MBNL2: variants seen among roughly 807,000 people sequenced by gnomAD.
MBNL2 encodes muscleblind like splicing regulator 2.
In MBNL2, 17 loss-of-function variants were observed where a neutral mutation model predicts 41.9. The observed-to-expected ratio is 0.41, with a 90% CI of 0.28 to 0.61. The LOEUF is 0.61. Among genes scored for constraint, MBNL2 ranks in the 20% least tolerant of loss-of-function variants. The pLI is 0.35. For synonymous variants in MBNL2, 195 were observed against 182.9 expected (o/e 1.07, Z -0.53); for missense variants, 336 against 505.6 (o/e 0.66, Z 3.22).
At chr13:97,332,876 CG>C (rs1238256273) in intron 2 of MBNL2, among the ~76,000 whole-genome samples, 2 of 152,180 alleles carry the variant, frequency 1.3e-5, no homozygotes, top group Admixed American at 1.3e-4. Context: ...AAGAGGGTGA[CG>C]CAACTATTAA....
chr13:97,232,898 T>C (rs1425821512), intron 1 of MBNL2, among the ~76,000 whole-genome samples: 1 of 138,730 alleles, frequency 7.2e-6, no homozygotes, highest in Non-Finnish European at 1.5e-5. Context: ...TGTGCGCACG[T>C]ACACTGAATG....
At chr13:97,388,336 T>TATATATA (rs2066107907) in intron 8 of MBNL2, among the ~76,000 whole-genome samples, 1 of 148,992 alleles carries the variant, frequency 6.7e-6, no homozygotes, top group Non-Finnish European at 1.5e-5. Context: ...TATATATATA[T>TATATATA]CATTGGTATG....
At chr13:97,158,127 A>G in the MBNL2 span, among the ~76,000 whole-genome samples, 2 of 151,628 alleles carry the variant, frequency 1.3e-5, no homozygotes, top group African/African-American at 4.9e-5. Context: ...GTCTTGGGAG[A>G]GTGTATGTGT....
chr13:97,317,791 G>A (rs1414427544), intron 2 of MBNL2, among the ~76,000 whole-genome samples: 1 of 152,172 alleles, frequency 6.6e-6, no homozygotes, highest in African/African-American at 2.4e-5. Flanking sequence ...TCACTTTAAT[G>A]GGATTTTGAA....
intron 2 of MBNL2, among the ~76,000 whole-genome samples, chr13:97,292,197 T>C: frequency 2.1e-5 from 2 of 96,856 alleles, no homozygotes; most frequent in Non-Finnish European, 1.8e-5. Flanking sequence ...CCAGACTCCA[T>C]CTCAAAAAAA....
Position 97,392,265 on chromosome 13 carries a change from T to C in MBNL2, c.*816T>C, listed in dbSNP as rs2066405137. ...CTGTTACAGAATAACTCTTCTTAACTAAAAACCTAGTCAAACAAGGAAGCT... is the reference window on the plus strand; with the variant it reads ...CTGTTACAGAATAACTCTTCTTAACCAAAAACCTAGTCAAACAAGGAAGCT... On this transcript the variant is annotated 3_prime_UTR_variant, in exon 9 of 9. Transcript: ENST00000679496. 1 of 152,582 alleles carries C rather than the reference T, an allele frequency of 6.6e-6. No homozygotes were observed. The highest frequency in any genetic ancestry group is 2.1e-4 in the South Asian group (1 of 4,824). The allele number at this position is 152,582 out of a possible 1,614,324, so 9.5% of individuals were successfully genotyped here. A position where few individuals can be genotyped will look rare whatever the true frequency, so the allele number is the denominator to read the frequency against.
chr13:97,155,698 C>T, the MBNL2 span, among the ~76,000 whole-genome samples: 1 of 152,080 alleles, frequency 6.6e-6, no homozygotes, highest in African/African-American at 2.4e-5. Flanking sequence ...TTTCCAATTT[C>T]ATCCATGTCC....
intron 2 of MBNL2, among the ~76,000 whole-genome samples, chr13:97,330,870 G>A (rs1056902801): frequency 1.1e-4 from 16 of 152,126 alleles, no homozygotes; most frequent in African/African-American, 3.9e-4. Flanking sequence ...GAGTCTCCGA[G>A]GGTTTGAATT....
chr13:97,285,207 T>G (rs990421860), intron 2 of MBNL2, among the ~76,000 whole-genome samples: 1 of 152,270 alleles, frequency 6.6e-6, no homozygotes, highest in Non-Finnish European at 1.5e-5. Flanking sequence ...AATCTGCATC[T>G]GAGCCCTGGC....
At chr13:97,271,586 G>A (rs11617901) in intron 1 of MBNL2, among the ~76,000 whole-genome samples, 4 of 151,904 alleles carry the variant, frequency 2.6e-5, no homozygotes, top group South Asian at 2.1e-4. Flanking sequence ...CCCTCACCCC[G>A]TAAACCCCCA....
At chr13:97,193,531 T>A in the MBNL2 span, among the ~76,000 whole-genome samples, 1 of 152,238 alleles carries the variant, frequency 6.6e-6, no homozygotes. Context: ...TAGGTAAACA[T>A]GAGCAAAATA....
chr13:97,377,644 G>A (rs945591584), intron 8 of MBNL2, among the ~76,000 whole-genome samples: 18 of 152,164 alleles, frequency 1.2e-4, no homozygotes, highest in Admixed American at 9.2e-4. Flanking sequence ...AAAAGGTCCA[G>A]AGAACCGCTT....
Position 97,222,496 on chromosome 13 carries a change from T to C in MBNL2, c.-640T>C, listed in dbSNP as rs1475145684. The C allele has an allele frequency of 2.5e-6, 1 of 398,530 alleles. No homozygotes were observed. Among genetic ancestry groups the C allele is most frequent in the Non-Finnish European group, 4.4e-6 (1 of 226,082 alleles). The allele number at this position is 398,530 out of a possible 1,614,324, so 24.7% of individuals were successfully genotyped here. A position where few individuals can be genotyped will look rare whatever the true frequency, so the allele number is the denominator to read the frequency against. ...TGGTTCTGCCAGATGTTCCTGGGGTTACTGTAAATGGGAAGGACAGGCAGA... is the reference window on the plus strand; with the variant it reads ...TGGTTCTGCCAGATGTTCCTGGGGTCACTGTAAATGGGAAGGACAGGCAGA... On this transcript the variant is annotated 5_prime_UTR_variant, in exon 1 of 9. Coordinates refer to ENST00000679496, the MANE Select transcript of MBNL2 (RefSeq NM_001382683.1).
intron 1 of MBNL2, among the ~76,000 whole-genome samples, chr13:97,262,988 C>T (rs947243293): frequency 3.9e-5 from 6 of 152,012 alleles, no homozygotes; most frequent in East Asian, 3.9e-4. Flanking sequence ...AGTTTCACCA[C>T]GTTGCCCAGG....
intron 2 of MBNL2, among the ~76,000 whole-genome samples, chr13:97,332,952 C>T (rs991859972): frequency 6.6e-6 from 1 of 152,212 alleles, no homozygotes; most frequent in Non-Finnish European, 1.5e-5. Context: ...GGACTGAACA[C>T]AGGGCCCATG....
At chr13:97,213,406 C>T in the MBNL2 span, among the ~76,000 whole-genome samples, 1 of 151,928 alleles carries the variant, frequency 6.6e-6, no homozygotes, top group African/African-American at 2.4e-5. Flanking sequence ...AGTAAAAGAG[C>T]CTCTGGTAAA....
upstream of MBNL2, among the ~76,000 whole-genome samples, chr13:97,220,984 T>C (rs756111762): frequency 2.6e-5 from 4 of 152,198 alleles, no homozygotes; most frequent in African/African-American, 7.2e-5. Flanking sequence ...GGATATGTGA[T>C]AGAATTACAT....
chr13:97,302,330 C>T (rs961930287), intron 2 of MBNL2, among the ~76,000 whole-genome samples: 3 of 152,134 alleles, frequency 2.0e-5, no homozygotes, highest in Admixed American at 6.5e-5. Context: ...TTTTACAGAG[C>T]GTTACCTCTG....
chr13:97,377,772 A>T (rs2065091992), intron 8 of MBNL2, among the ~76,000 whole-genome samples: 1 of 152,216 alleles, frequency 6.6e-6, no homozygotes, highest in Non-Finnish European at 1.5e-5. Flanking sequence ...CAAGGAAAAA[A>T]GTTAAAATAG....
Sources: allele counts gnomAD v4.1 joint callset (sites outside exome capture counted in the v4.1 genomes callset), GRCh38; gene constraint gnomAD v4.1.1; transcripts MANE v1.5; gene names NCBI Gene and HGNC (gene_info 2026-07-23, HGNC 2026-07-21).